Variants in RPA3 observed in about 807,000 individuals in gnomAD.
RPA3 encodes the protein replication protein A3.
A neutral mutation model predicts 13.7 loss-of-function variants in RPA3; 24 were observed. The ratio of observed to expected loss-of-function variants is 1.75; its 90% CI spans 1.27 to 2.46. The LOEUF (loss-of-function observed/expected upper bound fraction) is 2.46. RPA3 is among the 30% of genes most tolerant of loss of function. The probability of loss-of-function intolerance (pLI) is 0.00; values close to 1 mark genes in which losing one functional copy is unlikely to be tolerated. For synonymous variants in RPA3, 59 were observed against 51.2 expected, an observed-to-expected ratio of 1.15 and a Z score of -0.65; for missense variants, 183 against 151.0, an observed-to-expected ratio of 1.21 and a Z score of -1.11.
In RPA3 at chr7:7,637,890, T is replaced by C. The variant is rs1784891839; in HGVS notation, c.257A>G (p.Gln86Arg). The change falls in exon 7 of 8, where the codon CAG (glutamine) becomes CGG (arginine). Residue 86 changes from glutamine to arginine, a missense_variant. Coordinates refer to ENST00000223129, the MANE Select transcript of RPA3 (RefSeq NM_002947.5). ...KATILCTSYVQFKEDSHPFDL... is the reference protein window; with the variant it reads ...KATILCTSYVRFKEDSHPFDL... The stretch of plus-strand genomic sequence containing the variant: ...AAAAGGATGGCTATCTTCTTTAAAC[T>C]GGACATAAGATGTACACAAGATGGT... The C allele has an allele frequency of 3.7e-6, 6 of 1,612,964 alleles. No homozygotes were observed. Among genetic ancestry groups the C allele is most frequent in the Non-Finnish European group, 3.4e-6 (4 of 1,179,318 alleles).
chr7:7,704,749 A>T (rs1203003629), intron 2 of RPA3, among the ~76,000 whole-genome samples: 1 of 131,876 alleles, frequency 7.6e-6, no homozygotes, highest in Non-Finnish European at 1.6e-5. Flanking sequence ...CCTGGGTGAC[A>T]GAGCGAGACT....
chr7:7,671,796 C>G (rs11762695), intron 4 of RPA3, among the ~76,000 whole-genome samples: 8,745 of 152,178 alleles, frequency 0.057, 324 homozygotes, highest in Middle Eastern at 0.13. Flanking sequence ...GAGTGCCAAA[C>G]TGTTTTCAAA....
intron 2 of RPA3, among the ~76,000 whole-genome samples, chr7:7,694,647 C>T (rs1780264616): frequency 6.6e-6 from 1 of 151,736 alleles, no homozygotes; most frequent in Non-Finnish European, 1.5e-5. Context: ...AAGTTTATCT[C>T]TCTCTGCCTG....
chr7:7,696,754 C>A (rs1336859044), intron 2 of RPA3, among the ~76,000 whole-genome samples: 1 of 152,132 alleles, frequency 6.6e-6, no homozygotes, highest in Non-Finnish European at 1.5e-5. Flanking sequence ...TGATTCTTGC[C>A]AACTGGTTTA....
chr7:7,680,311 T>G (rs376382260), intron 4 of RPA3, among the ~76,000 whole-genome samples: 1 of 152,302 alleles, frequency 6.6e-6, no homozygotes, highest in East Asian at 1.9e-4. Context: ...TTTCCCAATG[T>G]ATATCCTTGG....
chr7:7,638,235 C>A, intron 6 of RPA3: 1 of 319,188 alleles, frequency 3.1e-6, no homozygotes, highest in Non-Finnish European at 6.0e-6. Flanking sequence ...CTATTGAAAA[C>A]GTCCAGCATT....
intron 4 of RPA3, among the ~76,000 whole-genome samples, chr7:7,668,505 TA>T (rs1389625198): frequency 1.3e-5 from 2 of 152,208 alleles, no homozygotes; most frequent in African/African-American, 4.8e-5. Flanking sequence ...GTGCCTAATT[TA>T]TAAATTAAAC....
At chr7:7,647,197 A>G (rs1785117969) in intron 4 of RPA3, among the ~76,000 whole-genome samples, 1 of 152,220 alleles carries the variant, frequency 6.6e-6, no homozygotes, top group Non-Finnish European at 1.5e-5. Context: ...GCAGGTGTAC[A>G]TTAAGTTCTA....
chr7:7,703,798 G>A (rs1350042552), intron 2 of RPA3, among the ~76,000 whole-genome samples: 4 of 152,064 alleles, frequency 2.6e-5, no homozygotes, highest in African/African-American at 9.7e-5. Flanking sequence ...AATTAGCCAG[G>A]TAATGTGGTG....
In RPA3 at chr7:7,677,874, C is replaced by T. The variant is rs937958323; in HGVS notation, c.-758+7956G>A. On this transcript the variant is annotated intron_variant, in intron 4 of 7. Coordinates refer to ENST00000223129, the MANE Select transcript of RPA3 (RefSeq NM_002947.5). ...ATTTTTAGTAGAGACGGGGTTTCAC[C>T]GTTTTAGCCGGGATGGTCTCGATCT... Among the ~76,000 whole-genome samples, 9 of 151,262 alleles carry T rather than the reference C, an allele frequency of 5.9e-5. No individual in the cohort carries two copies. In the South Asian group the frequency reaches 1.5e-3, roughly 25 times the overall value.
At chr7:7,654,965 T>C (rs754897541) in intron 4 of RPA3, among the ~76,000 whole-genome samples, 2 of 152,158 alleles carry the variant, frequency 1.3e-5, no homozygotes, top group Non-Finnish European at 2.9e-5. Context: ...TTTTTGACTA[T>C]TTTTGCTTCA....
At chr7:7,665,066 C>T (rs571104445) in intron 4 of RPA3, among the ~76,000 whole-genome samples, 1 of 152,194 alleles carries the variant, frequency 6.6e-6, no homozygotes, top group African/African-American at 2.4e-5. Context: ...TGTCTATAGA[C>T]AGTAGCTGCA....
rs750286829 is a variant in RPA3, at chr7:7,693,029, A to G, written c.-1027-5701T>C. On this transcript the variant is annotated intron_variant, in intron 2 of 7. Transcript: ENST00000223129. ...AGGACCATATGATTACAGGTAATTT[A>G]ATCTTTTTTCTTCCTGTTGATTACT... Among the ~76,000 whole-genome samples, 226 of 152,200 alleles carry G rather than the reference A, an allele frequency of 1.5e-3. 7 individuals are homozygous for G. The highest frequency in any genetic ancestry group is 4.1e-4 in the Non-Finnish European group (28 of 68,038).
intron 2 of RPA3, among the ~76,000 whole-genome samples, chr7:7,701,027 G>A (rs1362387199): frequency 6.6e-6 from 1 of 152,166 alleles, no homozygotes; most frequent in Admixed American, 6.5e-5. Context: ...TCCAGCATGG[G>A]CAACAGAGGG....
At chr7:7,639,933 G>A (rs530761819) in intron 5 of RPA3, 206 of 242,322 alleles carry the variant, frequency 8.5e-4, no homozygotes, top group Middle Eastern at 1.6e-3. Context: ...AGGAAACGAG[G>A]TTTGCAAAAA....
rs1182180952 is a variant in RPA3, at chr7:7,683,479, CT to C, written c.-758+2350del. On this transcript the variant is annotated intron_variant, in intron 4 of 7. Coordinates refer to ENST00000223129, the MANE Select transcript of RPA3 (RefSeq NM_002947.5). ...TTCATAAAATATAAAGTTACAGTTT[CT>C]TTTTTAGTTGAGCCATAAACAAAAA... 3.9e-5 allele frequency among the ~76,000 whole-genome samples: 6 copies of C among 152,206 alleles called. No homozygotes were observed. In the East Asian group the frequency reaches 5.8e-4, roughly 15 times the overall value.
chr7:7,699,625 G>T (rs1780408081), intron 2 of RPA3, among the ~76,000 whole-genome samples: 1 of 152,228 alleles, frequency 6.6e-6, no homozygotes, highest in South Asian at 2.1e-4. Context: ...CTAAGTTTAG[G>T]ACCAGAAAAG....
At chr7:7,642,383 G>A (rs1387066814) in intron 4 of RPA3, among the ~76,000 whole-genome samples, 1 of 151,704 alleles carries the variant, frequency 6.6e-6, no homozygotes, top group Non-Finnish European at 1.5e-5. Context: ...CAAACTCCTG[G>A]GCTCAGGCGA....
intron 2 of RPA3, among the ~76,000 whole-genome samples, chr7:7,710,073 TCTCA>T (rs1396984374): frequency 1.3e-5 from 2 of 152,208 alleles, no homozygotes; most frequent in Non-Finnish European, 2.9e-5. Context: ...AATTTGCCTC[TCTCA>T]CTCAGTATCA....
Sources: allele counts gnomAD v4.1 joint callset (sites outside exome capture counted in the v4.1 genomes callset), GRCh38; gene constraint gnomAD v4.1.1; transcripts MANE v1.5; gene names NCBI Gene and HGNC (gene_info 2026-07-23, HGNC 2026-07-21).